Variants in CDH23 observed in about 807,000 individuals in gnomAD.
CDH23 encodes cadherin-23.
CDH23 carries 189 observed loss-of-function variants against 317.1 expected under a neutral mutation model. That is an observed-to-expected ratio of 0.60 (90% CI 0.53 to 0.67). The LOEUF is 0.67. CDH23 is among the 30% of genes least tolerant of loss of function. CDH23 has a pLI of 0.00. For missense variants in CDH23, 4,401 were observed against 4,592.4 expected (o/e 0.96, Z 1.20); for synonymous variants, 1,839 against 1,876.8 (o/e 0.98, Z 0.52).
chr10:71,447,179 G>C (rs1196587189), intron 3 of CDH23, among the ~76,000 whole-genome samples: 1 of 152,206 alleles, frequency 6.6e-6, no homozygotes. Context: ...CTGTGTGCCA[G>C]AGGCCAAGTG....
intron 9 of CDH23, among the ~76,000 whole-genome samples, chr10:71,603,214 A>G (rs371957614): frequency 2.0e-5 from 3 of 152,080 alleles, no homozygotes; most frequent in African/African-American, 7.2e-5. Flanking sequence ...TCCTCCTGCC[A>G]TGGGCTTTCT....
chr10:71,782,069 G>A (rs1840971590), intron 41 of CDH23, among the ~76,000 whole-genome samples: 1 of 152,232 alleles, frequency 6.6e-6, no homozygotes, highest in Non-Finnish European at 1.5e-5. Flanking sequence ...TCCCAACACT[G>A]CAGCCTGAGG....
chr10:71,565,875 G>A (rs1469983731), intron 6 of CDH23, among the ~76,000 whole-genome samples: 4 of 152,214 alleles, frequency 2.6e-5, no homozygotes, highest in Non-Finnish European at 5.9e-5. Context: ...GCACTTGTCT[G>A]CTTTGCCCCC....
chr10:71,647,033 T>C, intron 14 of CDH23: 2 of 985,466 alleles, frequency 2.0e-6, no homozygotes, highest in Non-Finnish European at 2.4e-6. Flanking sequence ...CACCCCCAGC[T>C]GCCCATGGCT....
chr10:71,731,636 C>T (rs1315477011), intron 31 of CDH23, among the ~76,000 whole-genome samples: 3 of 152,174 alleles, frequency 2.0e-5, no homozygotes, highest in Non-Finnish European at 2.9e-5. Context: ...ATCAAAGCCT[C>T]CACTACAAGA....
chr10:71,744,832 G>A (rs1162136271), intron 38 of CDH23, among the ~76,000 whole-genome samples: 1 of 152,220 alleles, frequency 6.6e-6, no homozygotes, highest in East Asian at 1.9e-4. Context: ...GCTGAACCAT[G>A]ATGCTTTCTT....
chr10:71,557,515 G>C (rs1393443367), intron 6 of CDH23, among the ~76,000 whole-genome samples: 1 of 152,136 alleles, frequency 6.6e-6, no homozygotes, highest in Non-Finnish European at 1.5e-5. Context: ...CCCTTTTCAT[G>C]AATGTCATAT....
intron 6 of CDH23, among the ~76,000 whole-genome samples, chr10:71,518,365 C>T (rs968378042): frequency 2.0e-5 from 3 of 152,182 alleles, no homozygotes; most frequent in Non-Finnish European, 4.4e-5. Flanking sequence ...CCATGGCCTG[C>T]TTTTGATTTG....
chr10:71,404,301 T>C (rs551019611), intron 1 of CDH23, among the ~76,000 whole-genome samples: 3 of 152,292 alleles, frequency 2.0e-5, no homozygotes, highest in Admixed American at 6.5e-5. Flanking sequence ...GTAACTACTC[T>C]TCTGACTTCA....
At chr10:71,684,486 T>A (rs1589330729) in intron 18 of CDH23, among the ~76,000 whole-genome samples, 1 of 152,066 alleles carries the variant, frequency 6.6e-6, no homozygotes, top group African/African-American at 2.4e-5. Flanking sequence ...GAAAGAGGGG[T>A]GTGGCTGTGG....
chr10:71,484,571 GAGTC>G (rs572999821), intron 3 of CDH23, among the ~76,000 whole-genome samples: 108 of 152,344 alleles, frequency 7.1e-4, no homozygotes, highest in African/African-American at 2.5e-3. Context: ...GCAGGACTGA[GAGTC>G]AGGAGGTCAG....
chr10:71,515,680 T>A (rs540328369), intron 6 of CDH23, among the ~76,000 whole-genome samples: 4 of 152,338 alleles, frequency 2.6e-5, no homozygotes, highest in African/African-American at 9.6e-5. Flanking sequence ...TCTCTGGATT[T>A]CAGCTTTCTT....
intron 9 of CDH23, among the ~76,000 whole-genome samples, chr10:71,585,815 T>A (rs1859018493): frequency 6.6e-6 from 1 of 152,248 alleles, no homozygotes; most frequent in Admixed American, 6.5e-5. Flanking sequence ...CATGATTCCC[T>A]GTTCTTCCTC....
chr10:71,657,605 G>A (rs1455113268), intron 14 of CDH23, among the ~76,000 whole-genome samples: 1 of 152,196 alleles, frequency 6.6e-6, no homozygotes, highest in African/African-American at 2.4e-5. Context: ...GGACAAGCCG[G>A]TCAGAGCAGG....
At chr10:71,403,963 A>G (rs1847979037) in intron 1 of CDH23, among the ~76,000 whole-genome samples, 1 of 152,136 alleles carries the variant, frequency 6.6e-6, no homozygotes, top group African/African-American at 2.4e-5. Flanking sequence ...ATGGTGGCAC[A>G]TGCCTGCAGT....
At chr10:71,610,905 T>C (rs1368786485) in intron 9 of CDH23, among the ~76,000 whole-genome samples, 1 of 151,986 alleles carries the variant, frequency 6.6e-6, no homozygotes, top group Non-Finnish European at 1.5e-5. Flanking sequence ...CTTACGGTGG[T>C]AAAAGTGCAG....
chr10:71,515,613 G>C (rs1309669309), intron 6 of CDH23, among the ~76,000 whole-genome samples: 1 of 151,856 alleles, frequency 6.6e-6, no homozygotes. Flanking sequence ...GGGCATGCAG[G>C]ATAGGAAAAA....
chr10:71,621,423 G>A (rs540615512), intron 11 of CDH23, among the ~76,000 whole-genome samples: 25 of 152,314 alleles, frequency 1.6e-4, no homozygotes, highest in Non-Finnish European at 2.5e-4. Flanking sequence ...AATGGTGCAC[G>A]GGGGTGGGGC....
rs572176102 is a variant in CDH23, at chr10:71,807,859, C to T, written c.8574C>T (p.Asp2858=). The T allele has an allele frequency of 1.3e-4, 211 of 1,602,382 alleles. No individual in the cohort carries two copies. Among genetic ancestry groups the T allele is most frequent in the East Asian group, 5.9e-4 (26 of 44,322 alleles). The change falls in exon 60 of 70, where the codon GAC becomes GAT. Residue 2858 remains aspartate, a synonymous_variant. Transcript: ENST00000224721. ...KAEYTAGVAT[D]AKVGSELIQV... The stretch of plus-strand genomic sequence containing the variant: ...CTCTTCCTGCAGGGGTGGCCACCGA[C>T]GCCAAGGTGGGCTCAGAGTTGATCC...
Sources: allele counts gnomAD v4.1 joint callset (sites outside exome capture counted in the v4.1 genomes callset), GRCh38; gene constraint gnomAD v4.1.1; transcripts MANE v1.5; gene names NCBI Gene and HGNC (gene_info 2026-07-23, HGNC 2026-07-21).